CSMD3: variants seen among roughly 807,000 people sequenced by gnomAD.
The protein encoded by CSMD3 is CUB and Sushi multiple domains 3, also known as CUB and sushi domain-containing protein 3.
In CSMD3, 177 loss-of-function variants were observed where a neutral mutation model predicts 435.2. The observed-to-expected ratio is 0.41, with a 90% CI of 0.36 to 0.46. CSMD3 has a LOEUF of 0.46. Ranked by LOEUF, CSMD3 falls within the 20% of genes least tolerant of loss-of-function variation. The pLI is 0.34. For missense variants in CSMD3, 4,265 were observed against 4,504.6 expected, an observed-to-expected ratio of 0.95 and a Z score of 1.52; for synonymous variants, 1,656 against 1,520.5, an observed-to-expected ratio of 1.09 and a Z score of -2.07.
At chr8:112,682,776 T>G (rs577288761) in intron 15 of CSMD3, 140 bp from the exon 16 acceptor site, 1 of 688,512 alleles carries the variant, frequency 1.5e-6, no homozygotes, top group East Asian at 2.7e-5. Flanking sequence ...TTTTATTTAT[T>G]TACTTTAAAT....
chr8:112,970,742 T>A (rs1341522473), intron 7 of CSMD3, among the ~76,000 whole-genome samples: 6 of 150,198 alleles, frequency 4.0e-5, no homozygotes, highest in African/African-American at 1.5e-4. Flanking sequence ...TTTTTTTTTA[T>A]ATGGAGCCTC....
intron 4 of CSMD3, among the ~76,000 whole-genome samples, chr8:113,168,748 A>G (rs1431073577): frequency 6.6e-6 from 1 of 151,976 alleles, no homozygotes; most frequent in African/African-American, 2.4e-5. Context: ...GTTTCAATAT[A>G]GTACTTTTCA....
At chr8:112,375,888 T>C (rs181374939) in intron 38 of CSMD3, among the ~76,000 whole-genome samples, 1 of 152,224 alleles carries the variant, frequency 6.6e-6, no homozygotes, top group Admixed American at 6.5e-5. Context: ...CTTTCAGGAG[T>C]AGTCATGCTT....
At chr8:112,537,722 A>C (rs561888513) in intron 27 of CSMD3, among the ~76,000 whole-genome samples, 38 of 151,852 alleles carry the variant, frequency 2.5e-4, no homozygotes, top group Non-Finnish European at 4.6e-4. Flanking sequence ...AATGAGTTCA[A>C]AGTAGTAAAA....
rs1388600093 is a variant in CSMD3 at position 112,642,108 on chromosome 8, T to C, written c.3310+3001A>G. Among the ~76,000 whole-genome samples, 3 of 152,272 alleles carry C rather than the reference T, an allele frequency of 2.0e-5. No homozygotes were observed. In the East Asian group the frequency reaches 5.8e-4, roughly 29 times the overall value. ...TATATATATATATCTGTATGACTTG[T>C]ACTTAAAGTCAAAATAGCGTTAATA... On this transcript the variant is annotated intron_variant, in intron 20 of 70. Coordinates refer to ENST00000297405, the MANE Select transcript of CSMD3 (RefSeq NM_198123.2).
At chr8:112,708,615 A>T (rs1444709242) in intron 13 of CSMD3, among the ~76,000 whole-genome samples, 1 of 151,338 alleles carries the variant, frequency 6.6e-6, no homozygotes, top group Non-Finnish European at 1.5e-5. Context: ...ATGGCAAAGT[A>T]ACAAGTTTTA....
intron 5 of CSMD3, among the ~76,000 whole-genome samples, chr8:113,090,974 G>GA (rs1165731604): frequency 2.6e-5 from 4 of 151,888 alleles, no homozygotes; most frequent in South Asian, 2.1e-4. Context: ...GAAACTATTA[G>GA]AAAAAAATAC....
chr8:113,381,748 A>G (rs954193598), intron 1 of CSMD3, among the ~76,000 whole-genome samples: 2 of 152,158 alleles, frequency 1.3e-5, no homozygotes, highest in African/African-American at 2.4e-5. Context: ...TGATTTTATA[A>G]AAGAGGCCAT....
intron 13 of CSMD3, among the ~76,000 whole-genome samples, chr8:112,733,446 T>A (rs1340835463): frequency 6.6e-6 from 1 of 151,908 alleles, no homozygotes; most frequent in Admixed American, 6.6e-5. Flanking sequence ...GTAATGTCAA[T>A]AAAACTGCTA....
intron 10 of CSMD3, among the ~76,000 whole-genome samples, chr8:112,914,350 C>G (rs10112496): frequency 0.37 from 55,327 of 151,290 alleles, 10,254 homozygotes; most frequent in East Asian, 0.41. Context: ...TTGTTCAGTT[C>G]TGCTCTGTGC....
intron 13 of CSMD3, among the ~76,000 whole-genome samples, chr8:112,767,781 C>G (rs1473455561): frequency 6.6e-6 from 1 of 151,768 alleles, no homozygotes; most frequent in Non-Finnish European, 1.5e-5. Context: ...TAAATACCCT[C>G]ATAAATGACC....
chr8:112,406,790 T>G, intron 34 of CSMD3, 63 bp from the exon 35 acceptor site: 1 of 1,048,694 alleles, frequency 9.5e-7, no homozygotes, highest in South Asian at 1.7e-5. Flanking sequence ...TTTCAAAATG[T>G]AACTGTTTAA....
chr8:113,031,064 C>G (rs537378645), intron 5 of CSMD3, among the ~76,000 whole-genome samples: 1 of 151,588 alleles, frequency 6.6e-6, no homozygotes, highest in African/African-American at 2.4e-5. Context: ...AATGGTATAC[C>G]AACACTGGAG....
chr8:113,294,524 C>A (rs1387452406), intron 2 of CSMD3, among the ~76,000 whole-genome samples: 2 of 152,088 alleles, frequency 1.3e-5, no homozygotes, highest in African/African-American at 2.4e-5. Flanking sequence ...TCTGCGAGGA[C>A]TCTCAATTAG....
chr8:113,153,101 A>AAAGAAAGAAAGAAAGAAAG lies in CSMD3; in HGVS notation c.709+20620_709+20621insCTTTCTTTCTTTCTTTCTT, dbSNP rs35085690. 4.1e-3 allele frequency among the ~76,000 whole-genome samples: 406 copies of AAAGAAAGAAAGAAAGAAAG among 100,000 alleles called. 8 individuals carry two copies. The highest frequency in any genetic ancestry group is 6.2e-3 in the East Asian group (21 of 3,388). The allele number at this position is 100,000 out of a possible 152,430, so 65.6% of individuals were successfully genotyped here. A position where few individuals can be genotyped will look rare whatever the true frequency, so the allele number is the denominator to read the frequency against. On this transcript the variant is annotated intron_variant, in intron 4 of 70. Transcript: ENST00000297405. Reference sequence around the variant, plus strand: ...AAAAGAAAGAAAGAAAGAAAGAAAGAAAAGAAAGAAAGAAAGAAAGAAAGA... The same window carrying AAAGAAAGAAAGAAAGAAAG: ...AAAAGAAAGAAAGAAAGAAAGAAAGAAAGAAAGAAAGAAAGAAAGAAAGAAAGAAAGAAAGAAAGAAAGA...
intron 27 of CSMD3, among the ~76,000 whole-genome samples, chr8:112,524,854 C>T (rs550660921): frequency 5.9e-5 from 9 of 151,926 alleles, no homozygotes; most frequent in African/African-American, 2.2e-4. Context: ...ATTAAAATAA[C>T]GTGCAAAATA....
At chr8:113,418,475 A>G (rs2094593065) in intron 1 of CSMD3, among the ~76,000 whole-genome samples, 1 of 152,184 alleles carries the variant, frequency 6.6e-6, no homozygotes, top group Non-Finnish European at 1.5e-5. Context: ...TGTGACGTGT[A>G]TTGAATACCA....
chr8:112,652,584 G>A (rs2075154621), intron 18 of CSMD3, among the ~76,000 whole-genome samples: 1 of 152,126 alleles, frequency 6.6e-6, no homozygotes, highest in Admixed American at 6.5e-5. Context: ...GTAAGATGAT[G>A]TATTTCTTTT....
At chr8:113,213,509 G>T (rs1454459237) in intron 3 of CSMD3, among the ~76,000 whole-genome samples, 4 of 150,476 alleles carry the variant, frequency 2.7e-5, no homozygotes, top group South Asian at 2.1e-4. Flanking sequence ...ATTCTTTTGT[G>T]TGTTTTTTTT....
Sources: allele counts gnomAD v4.1 joint callset (sites outside exome capture counted in the v4.1 genomes callset), GRCh38; gene constraint gnomAD v4.1.1; transcripts MANE v1.5; gene names NCBI Gene and HGNC (gene_info 2026-07-23, HGNC 2026-07-21).